Variants in YLPM1 observed in about 807,000 individuals in gnomAD.
The protein encoded by YLPM1 is YLP motif-containing protein 1.
In YLPM1, 99 loss-of-function variants were observed where a neutral mutation model predicts 230.0. That is an observed-to-expected ratio of 0.43 (90% CI 0.37 to 0.51). The LOEUF is 0.51. YLPM1 is among the 20% of genes least tolerant of loss of function. The probability of loss-of-function intolerance (pLI) is 0.00; values close to 1 mark genes in which losing one functional copy is unlikely to be tolerated. For missense variants in YLPM1, 2,592 were observed against 2,707.7 expected (o/e 0.96, Z 0.95); for synonymous variants, 984 against 942.5 (o/e 1.04, Z -0.81).
chr14:74,774,117 A>G (rs909368063), intron 1 of YLPM1, among the ~76,000 whole-genome samples: 7 of 152,216 alleles, frequency 4.6e-5, no homozygotes, highest in African/African-American at 1.7e-4. Flanking sequence ...AGTTGAGGAT[A>G]ATGTAAGTTG....
intron 18 of YLPM1, among the ~76,000 whole-genome samples, chr14:74,825,001 G>C (rs1394568722): frequency 6.6e-6 from 1 of 151,954 alleles, no homozygotes; most frequent in African/African-American, 2.4e-5. Context: ...GTTTTACTTC[G>C]CTTAAAGAGA....
chr14:74,816,923 G>C lies in YLPM1; in HGVS notation c.5686-8G>C. 1 of 1,549,256 alleles carries C rather than the reference G, an allele frequency of 6.5e-7. No individual in the cohort carries two copies. The highest frequency in any genetic ancestry group is 2.1e-5 in the Admixed American group (1 of 46,610). ...TGCTAATTCCATATCTCTTTTGGGG[G>C]ACCTTAGGTAATGGAATATGAATAT... On this transcript the variant is annotated splice_polypyrimidine_tract_variant and splice_region_variant and intron_variant, in intron 13 of 20. Coordinates refer to ENST00000325680, the MANE Select transcript of YLPM1 (RefSeq NM_019589.3).
Position 74,778,522 on chromosome 14 carries a change from A to G in YLPM1, c.949A>G (p.Lys317Glu), listed in dbSNP as rs376895690. 1 of 1,607,948 alleles carries G rather than the reference A, an allele frequency of 6.2e-7. No homozygotes were observed. Among genetic ancestry groups the G allele is most frequent in the African/African-American group, 1.3e-5 (1 of 74,846 alleles). Reference sequence around the variant, plus strand: ...GACAAAAGTTCATTTGCCAGGACACAAAAAGGGTCCTGTGGTAGCAAAGGA... The same window carrying G: ...GACAAAAGTTCATTTGCCAGGACACGAAAAGGGTCCTGTGGTAGCAAAGGA... ...QRTKVHLPGH[K>E]KGPVVAKDTP... is the part of the protein sequence containing the mutation. The change falls in exon 2 of 21, where the codon AAA (lysine) becomes GAA (glutamate). Residue 317 changes from lysine to glutamate, a missense_variant. Physicochemically the swap from Lys to Glu is moderately conservative, Grantham distance 56. Around this residue, in one of 4 missense-constraint regions of YLPM1, gnomAD observed 1,862 missense variants for 1,819.8 expected, o/e 1.02. Transcript: ENST00000325680.
In YLPM1 at chr14:74,804,516, C is replaced by T. The variant is rs545402827; in HGVS notation, c.4521+1840C>T. ...ATTCTTTTACTTCTTCATTCCTTTG[C>T]GTATGCATGTTGTTCTCTAAGCCTA... On this transcript the variant is annotated intron_variant, in intron 6 of 20. Transcript: ENST00000325680. 7.2e-5 allele frequency among the ~76,000 whole-genome samples: 11 copies of T among 152,320 alleles called. No homozygotes were observed. The South Asian group carries it at 8.3e-4, about 11-fold the overall frequency.
chr14:74,778,359 A>G, intron 1 of YLPM1, 88 bp from the exon 2 acceptor site: 1 of 1,148,756 alleles, frequency 8.7e-7, no homozygotes, highest in Admixed American at 2.4e-5. Flanking sequence ...ACACATGAAC[A>G]CAGACATAAA....
chr14:74,785,319 G>A (rs534009124), intron 4 of YLPM1, among the ~76,000 whole-genome samples: 3 of 152,274 alleles, frequency 2.0e-5, no homozygotes, highest in African/African-American at 7.2e-5. Context: ...TTCATCTGCA[G>A]CTTTGATAAG....
intron 6 of YLPM1, among the ~76,000 whole-genome samples, chr14:74,803,583 A>G (rs922210700): frequency 1.3e-5 from 2 of 152,112 alleles, no homozygotes; most frequent in Admixed American, 6.5e-5. Flanking sequence ...GTACGCATCT[A>G]CCTGTCTGCA....
At chr14:74,764,492 AAG>A (rs1224619143) in intron 1 of YLPM1, 130 bp downstream of exon 1, 4 of 1,258,812 alleles carry the variant, frequency 3.2e-6, no homozygotes, top group Non-Finnish European at 3.2e-6. Context: ...AGGATTCCGT[AAG>A]AGTCAGAGGG....
chr14:74,833,124 C>G (rs1434705589), intron 19 of YLPM1, among the ~76,000 whole-genome samples: 1 of 151,746 alleles, frequency 6.6e-6, no homozygotes. Context: ...AAATCCATTC[C>G]CACGGCATCC....
At chr14:74,776,132 T>C (rs1204122856) in intron 1 of YLPM1, among the ~76,000 whole-genome samples, 1 of 152,258 alleles carries the variant, frequency 6.6e-6, no homozygotes, top group African/African-American at 2.4e-5. Flanking sequence ...TCCTGTAGTT[T>C]TTTTCTGAGT....
At chr14:74,777,808 CT>C (rs2091056890) in intron 1 of YLPM1, among the ~76,000 whole-genome samples, 1 of 151,782 alleles carries the variant, frequency 6.6e-6, no homozygotes, top group African/African-American at 2.4e-5. Flanking sequence ...GACCTTGTGT[CT>C]ATAAAACATA....
chr14:74,824,703 T>C (rs2091549263), intron 18 of YLPM1, among the ~76,000 whole-genome samples: 1 of 152,024 alleles, frequency 6.6e-6, no homozygotes, highest in African/African-American at 2.4e-5. Context: ...ATATAAAGTT[T>C]AAAATTAATT....
Position 74,812,744 on chromosome 14 carries a change from A to G in YLPM1, c.5464A>G (p.Ile1822Val), listed in dbSNP as rs1333890313. The change falls in exon 11 of 21, where the codon ATT becomes GTT. Residue 1822 changes from isoleucine to valine, a missense_variant. Ile to Val is a conservative substitution (Grantham distance 29). Around this residue, in one of 4 missense-constraint regions of YLPM1, gnomAD observed 315 missense variants for 429.3 expected, o/e 0.73. Coordinates refer to ENST00000325680, the MANE Select transcript of YLPM1 (RefSeq NM_019589.3). Reference sequence around the variant, plus strand: ...GCCTGAATCAAAGAATGTGGACGATATTTTGAAACCACCGGGCCGGGAGAG... The same window carrying G: ...GCCTGAATCAAAGAATGTGGACGATGTTTTGAAACCACCGGGCCGGGAGAG... ...KKPESKNVDD[I>V]LKPPGRESRP... The G allele has an allele frequency of 1.9e-6, 3 of 1,613,712 alleles. No homozygotes were observed. Among genetic ancestry groups the G allele is most frequent in the Non-Finnish European group, 2.5e-6 (3 of 1,179,786 alleles).
chr14:74,776,733 C>G (rs769736265), intron 1 of YLPM1, among the ~76,000 whole-genome samples: 5 of 152,098 alleles, frequency 3.3e-5, no homozygotes, highest in Non-Finnish European at 7.4e-5. Context: ...TTGTGAATGA[C>G]TGGGAAAGCT....
intron 10 of YLPM1, among the ~76,000 whole-genome samples, chr14:74,812,345 C>A (rs751943267): frequency 2.6e-5 from 4 of 152,324 alleles, no homozygotes; most frequent in East Asian, 1.9e-4. Flanking sequence ...ATTTATTATT[C>A]TTCCATGTCC....
rs2091648125 is a variant in YLPM1, at chr14:74,837,245, C to T, written c.*1507C>T. Reference sequence around the variant, plus strand: ...AAAATCTGAATTTTTAAGCAAGTGACTTTAAGTTCATTAAGTCAATATTGA... The same window carrying T: ...AAAATCTGAATTTTTAAGCAAGTGATTTTAAGTTCATTAAGTCAATATTGA... On this transcript the variant is annotated 3_prime_UTR_variant, in exon 21 of 21. Transcript: ENST00000325680. 1 of 152,108 alleles carries T rather than the reference C, an allele frequency of 6.6e-6. No individual in the cohort carries two copies. Among genetic ancestry groups the T allele is most frequent in the South Asian group, 2.1e-4 (1 of 4,828 alleles). The allele number at this position is 152,108 out of a possible 1,614,324, so 9.4% of individuals were successfully genotyped here. A position where few individuals can be genotyped will look rare whatever the true frequency, so the allele number is the denominator to read the frequency against.
intron 6 of YLPM1, among the ~76,000 whole-genome samples, chr14:74,804,800 G>A (rs2091360540): frequency 6.6e-6 from 1 of 152,092 alleles, no homozygotes; most frequent in African/African-American, 2.4e-5. Flanking sequence ...GTAAATAGAA[G>A]CGCCAGATTG....
intron 1 of YLPM1, 120 bp downstream of exon 1, chr14:74,764,482 A>G (rs2140062465): frequency 7.7e-7 from 1 of 1,301,090 alleles, no homozygotes. Flanking sequence ...AACACTCCAA[A>G]GGATTCCGTA....
chr14:74,809,460 A>G lies in YLPM1; in HGVS notation c.4602A>G (p.Arg1534=). Residue 1534 remains arginine, a synonymous_variant, in exon 7 of 21, where the codon AGA becomes AGG. Transcript: ENST00000325680. The part of the protein sequence containing the change: ...SIVRPSAPPA[R]SSVPVTRPPV... Reference sequence around the variant, plus strand: ...TAAGACCCTCTGCTCCACCAGCAAGATCATCTGTTCCTGTGACCAGGCCAC... The same window carrying G: ...TAAGACCCTCTGCTCCACCAGCAAGGTCATCTGTTCCTGTGACCAGGCCAC... 6.3e-7 allele frequency: 1 copy of G among 1,597,170 alleles called. No individual in the cohort carries two copies. Among genetic ancestry groups the G allele is most frequent in the Non-Finnish European group, 8.5e-7 (1 of 1,170,910 alleles).
Sources: gnomAD v4.1 joint callset for allele counts (sites outside exome capture counted in the v4.1 genomes callset) on GRCh38, gnomAD v4.1.1 for gene constraint, gnomAD v4.1.1 regional missense constraint, MANE v1.5 for transcripts, NCBI Gene and HGNC (gene_info 2026-07-23, HGNC 2026-07-21) for gene names.